CLMP: variants seen among roughly 807,000 people sequenced by gnomAD.
CLMP encodes the protein CXADR like cell adhesion molecule.
In CLMP, 27 loss-of-function variants were observed where a neutral mutation model predicts 45.2. The ratio of observed to expected loss-of-function variants is 0.60; its 90% confidence interval spans 0.44 to 0.82. CLMP has a LOEUF of 0.82. Ranked by LOEUF, CLMP falls within the 40% of genes least tolerant of loss-of-function variation. The pLI, the probability that CLMP is intolerant of heterozygous loss-of-function variation, is 0.00. For missense variants in CLMP, 403 were observed against 448.4 expected, an observed-to-expected ratio of 0.90 and a Z score of 0.91; for synonymous variants, 167 against 171.4, an observed-to-expected ratio of 0.97 and a Z score of 0.20.
At chr11:123,115,445 ATAT>A (rs1213350518) in intron 1 of CLMP, among the ~76,000 whole-genome samples, 2 of 152,194 alleles carry the variant, frequency 1.3e-5, no homozygotes, top group East Asian at 3.8e-4. Context: ...AATAGATTAA[ATAT>A]TATGATTCAA....
Position 123,074,791 on chromosome 11 carries a change from TC to T in CLMP, c.731del (p.Gly244GlufsTer4). On this transcript the variant is annotated frameshift_variant, in exon 6 of 7. Coordinates refer to ENST00000448775, the MANE Select transcript of CLMP (RefSeq NM_024769.5). LOFTEE classifies it high-confidence loss of function. The stretch of plus-strand genomic sequence containing the variant: ...ACACCAAGAGGAAAATCAGCAGGGC[TC>T]CAGCCACTATGCCTGTCACTGCTCC... ...VAGAVTGIVA[G>X]ALLIFLLVWL... 6 of 1,606,810 alleles carry T rather than the reference TC, an allele frequency of 3.7e-6. No homozygotes were observed. The highest frequency in any genetic ancestry group is 5.1e-6 in the Non-Finnish European group (6 of 1,178,014).
chr11:123,088,915 C>T (rs1027268149), intron 2 of CLMP, among the ~76,000 whole-genome samples: 31 of 152,176 alleles, frequency 2.0e-4, no homozygotes, highest in African/African-American at 6.3e-4. Context: ...TGAGCCATGG[C>T]GCCCAGCTGC....
intron 1 of CLMP, among the ~76,000 whole-genome samples, chr11:123,178,723 CTATT>C (rs911810387): frequency 1.3e-5 from 2 of 152,140 alleles, no homozygotes; most frequent in African/African-American, 4.8e-5. Flanking sequence ...AGGACTCTCT[CTATT>C]TAAAGGGTTT....
At chr11:123,187,750 G>T (rs78195833) in intron 1 of CLMP, among the ~76,000 whole-genome samples, 6,919 of 152,192 alleles carry the variant, frequency 0.045, 207 homozygotes, top group Non-Finnish European at 0.068. Context: ...CTGGCAGGTT[G>T]TGATGAAGAA....
At chr11:123,144,755 G>A (rs1387477891) in intron 1 of CLMP, among the ~76,000 whole-genome samples, 1 of 152,192 alleles carries the variant, frequency 6.6e-6, no homozygotes, top group African/African-American at 2.4e-5. Context: ...TAAAGCAGTA[G>A]ACAGAGTTTT....
intron 1 of CLMP, among the ~76,000 whole-genome samples, chr11:123,129,255 G>A (rs1048465388): frequency 4.6e-5 from 7 of 151,212 alleles, no homozygotes; most frequent in African/African-American, 7.3e-5. Context: ...GCTTGAATCC[G>A]GGAGGCAGAG....
At chr11:123,126,662 C>A (rs921832562) in intron 1 of CLMP, among the ~76,000 whole-genome samples, 3 of 152,048 alleles carry the variant, frequency 2.0e-5, no homozygotes, top group Non-Finnish European at 4.4e-5. Flanking sequence ...CTTTGGGAGG[C>A]CGAGGTGGGT....
At chr11:123,166,277 C>T (rs1861555340) in intron 1 of CLMP, among the ~76,000 whole-genome samples, 1 of 152,242 alleles carries the variant, frequency 6.6e-6, no homozygotes, top group Admixed American at 6.5e-5. Context: ...GGTGCCTCTT[C>T]TCCAGCCTTA....
intron 1 of CLMP, among the ~76,000 whole-genome samples, chr11:123,108,057 A>G (rs748594988): frequency 3.9e-5 from 6 of 152,074 alleles, no homozygotes; most frequent in Non-Finnish European, 8.8e-5. Flanking sequence ...GAGGGAAAAG[A>G]ATTCTAGACG....
intron 1 of CLMP, among the ~76,000 whole-genome samples, chr11:123,118,937 C>CTT (rs1392487458): frequency 3.1e-4 from 4 of 12,880 alleles, no homozygotes; most frequent in South Asian, 3.6e-3. Context: ...TCTTTTCTTT[C>CTT]TTTCTTTCTT....
intron 2 of CLMP, among the ~76,000 whole-genome samples, chr11:123,094,057 T>C (rs1326231404): frequency 6.6e-6 from 1 of 152,188 alleles, no homozygotes; most frequent in African/African-American, 2.4e-5. Context: ...ATGAAGGTAA[T>C]ACAGCTAGTG....
intron 1 of CLMP, among the ~76,000 whole-genome samples, chr11:123,166,731 T>C (rs1861562307): frequency 6.6e-6 from 1 of 152,206 alleles, no homozygotes; most frequent in African/African-American, 2.4e-5. Flanking sequence ...AGGGTGACTA[T>C]GGTTGACAAC....
At chr11:123,126,593 A>C (rs1438053210) in intron 1 of CLMP, among the ~76,000 whole-genome samples, 1 of 152,046 alleles carries the variant, frequency 6.6e-6, no homozygotes, top group Non-Finnish European at 1.5e-5. Flanking sequence ...GTTTATGAAG[A>C]CAGTAATAAG....
chr11:123,076,489 G>A (rs1865741874), intron 5 of CLMP, among the ~76,000 whole-genome samples: 1 of 152,168 alleles, frequency 6.6e-6, no homozygotes, highest in Non-Finnish European at 1.5e-5. Flanking sequence ...TTGGATGAGT[G>A]AATTTTAGAG....
Position 123,175,553 on chromosome 11 carries a change from G to T in CLMP, c.28+19360C>A, listed in dbSNP as rs74943466. Among the ~76,000 whole-genome samples, 135 of 152,338 alleles carry T rather than the reference G, an allele frequency of 8.9e-4. No homozygotes were observed. In the East Asian group the frequency reaches 0.019, roughly 22 times the overall value. ...CTCACTATATCACCCAGGCTGACGGGCTCAAGAGATCCTCCCTCCTCAGCC... is the reference window on the plus strand; with the variant it reads ...CTCACTATATCACCCAGGCTGACGGTCTCAAGAGATCCTCCCTCCTCAGCC... On this transcript the variant is annotated intron_variant, in intron 1 of 6. Transcript: ENST00000448775.
At chr11:123,095,533 G>T (rs1158099171) in intron 2 of CLMP, among the ~76,000 whole-genome samples, 3 of 152,138 alleles carry the variant, frequency 2.0e-5, no homozygotes, top group Non-Finnish European at 2.9e-5. Context: ...GCCTCCCAAA[G>T]TGCTGGGATT....
At chr11:123,161,314 T>C (rs1861484334) in intron 1 of CLMP, among the ~76,000 whole-genome samples, 1 of 152,162 alleles carries the variant, frequency 6.6e-6, no homozygotes, top group Non-Finnish European at 1.5e-5. Context: ...GCCCTTACCA[T>C]GCACTAAACC....
intron 1 of CLMP, among the ~76,000 whole-genome samples, chr11:123,146,970 C>T (rs1256154540): frequency 3.3e-5 from 5 of 152,214 alleles, no homozygotes; most frequent in Admixed American, 6.5e-5. Flanking sequence ...TCACATTCAG[C>T]CAGCCCTGGT....
chr11:123,095,144 A>G (rs1865975437), intron 2 of CLMP, among the ~76,000 whole-genome samples: 1 of 152,224 alleles, frequency 6.6e-6, no homozygotes, highest in South Asian at 2.1e-4. Context: ...GCTTAAAGCC[A>G]TATCAAGGGC....
Sources: allele counts gnomAD v4.1 joint callset (sites outside exome capture counted in the v4.1 genomes callset), GRCh38; gene constraint gnomAD v4.1.1; transcripts MANE v1.5; gene names NCBI Gene and HGNC (gene_info 2026-07-23, HGNC 2026-07-21).